Variants in DENND3 observed in about 807,000 individuals in gnomAD.
DENND3 encodes DENN domain-containing protein 3.
Under a neutral mutation model 135.1 loss-of-function variants are expected in DENND3, and 88 were observed. That is an observed-to-expected ratio of 0.65 (90% confidence interval 0.55 to 0.78). DENND3 has a LOEUF of 0.78. DENND3 is among the 30% of genes least tolerant of loss of function. The pLI, the probability that DENND3 is intolerant of heterozygous loss-of-function variation, is 0.00. For synonymous variants in DENND3, 693 were observed against 712.3 expected, an observed-to-expected ratio of 0.97 and a Z score of 0.43; for missense variants, 1,392 against 1,688.4, an observed-to-expected ratio of 0.82 and a Z score of 3.08.
rs776663309 is a variant in DENND3 at position 141,146,518 on chromosome 8, A to G, written c.735+2259A>G. ...ACCCGTCAAACGTCTCAAAATGTTT[A>G]GTAAATGTCGATTCAGTTTCATTGT... On this transcript the variant is annotated intron_variant, in intron 5 of 22. Coordinates refer to ENST00000519811, the MANE Select transcript of DENND3 (RefSeq NM_001352890.3). This position sits in a 1 kb window ranked among gnomAD's most constrained non-coding sequence, Gnocchi z 4.3. Among the ~76,000 whole-genome samples, 4 of 152,240 alleles carry G rather than the reference A, an allele frequency of 2.6e-5. No individual in the cohort carries two copies. Among genetic ancestry groups the G allele is most frequent in the Non-Finnish European group, 5.9e-5 (4 of 68,036 alleles).
intron 17 of DENND3, among the ~76,000 whole-genome samples, chr8:141,183,757 A>T (rs1442542406): frequency 5.7e-4 from 61 of 107,262 alleles, no homozygotes; most frequent in African/African-American, 5.3e-3. Flanking sequence ...TTTTTAATTT[A>T]AAAAAAAAAA....
intron 22 of DENND3, 167 bp downstream of exon 22, chr8:141,192,830 C>T (rs562698695): frequency 1.3e-6 from 2 of 1,549,384 alleles, no homozygotes; most frequent in Admixed American, 1.9e-5. Context: ...AACGGGCCCA[C>T]AGGTCACCAT....
intron 5 of DENND3, among the ~76,000 whole-genome samples, chr8:141,147,636 A>T (rs1425171366): frequency 6.6e-6 from 1 of 152,198 alleles, no homozygotes; most frequent in Non-Finnish European, 1.5e-5. Flanking sequence ...CGTCTCTCCG[A>T]TAGCACCCAG....
intron 18 of DENND3, 170 bp from the exon 19 acceptor site, chr8:141,188,815 TG>T: frequency 1.4e-6 from 1 of 734,936 alleles, no homozygotes; most frequent in Non-Finnish European, 2.2e-6. Flanking sequence ...TATGCACTGA[TG>T]GGTGGATGAC....
intron 9 of DENND3, among the ~76,000 whole-genome samples, chr8:141,161,650 G>T (rs1411954482): frequency 6.6e-6 from 1 of 152,180 alleles, no homozygotes; most frequent in East Asian, 1.9e-4. Flanking sequence ...CTTGCTGGTT[G>T]CTCCCTGAGT....
chr8:141,178,692 AC>A (rs879406317), intron 16 of DENND3, among the ~76,000 whole-genome samples: 1 of 152,218 alleles, frequency 6.6e-6, no homozygotes, highest in African/African-American at 2.4e-5. Flanking sequence ...GAGGCCCTGC[AC>A]GTCAGGATCC....
chr8:141,193,048 T>TA, intron 22 of DENND3: 2 of 453,364 alleles, frequency 4.4e-6, no homozygotes, highest in Non-Finnish European at 7.2e-6. Flanking sequence ...CCGCCGTCCT[T>TA]GGCGTGCCCT....
At chr8:141,161,045 TCTC>T (rs1376876379) in intron 9 of DENND3, among the ~76,000 whole-genome samples, 2 of 140,894 alleles carry the variant, frequency 1.4e-5, no homozygotes, top group African/African-American at 2.7e-5. Flanking sequence ...CCTAACAGCT[TCTC>T]CTGCTGGTGA....
At position 141,175,603 on chromosome 8, in the gene DENND3, T is replaced by C. The variant is rs1363653747; in HGVS notation, c.2535+144T>C. 1 of 1,299,024 alleles carries C rather than the reference T, an allele frequency of 7.7e-7. No homozygotes were observed. The highest frequency in any genetic ancestry group is 1.1e-6 in the Non-Finnish European group (1 of 920,604). 80.5% of individuals were successfully genotyped at this position (1,299,024 alleles called of 1,614,324 possible). ...ACCGAATGCCTTCCTGTCCCTCAGTTTGCTCATCTGTAAAGTAGGAATAAG... is the reference window on the plus strand; with the variant it reads ...ACCGAATGCCTTCCTGTCCCTCAGTCTGCTCATCTGTAAAGTAGGAATAAG... On this transcript the variant is annotated intron_variant, in intron 14 of 22. Coordinates refer to ENST00000519811, the MANE Select transcript of DENND3 (RefSeq NM_001352890.3). The surrounding 1 kb of genome is among the most constrained non-coding windows in gnomAD (Gnocchi z 5.4).
intron 10 of DENND3, 26 bp downstream of exon 10, chr8:141,163,455 C>G (rs1387968792): frequency 1.4e-6 from 2 of 1,426,396 alleles, no homozygotes; most frequent in South Asian, 1.2e-5. Flanking sequence ...TTTGGGTGTG[C>G]CTGTGTGTGT....
rs1028355073 is a variant in DENND3 at position 141,174,602 on chromosome 8, G to T, written c.2276-598G>T. Among the ~76,000 whole-genome samples the T allele has an allele frequency of 6.6e-6, 1 of 152,178 alleles. No homozygotes were observed. Among genetic ancestry groups the T allele is most frequent in the African/African-American group, 2.4e-5 (1 of 41,434 alleles). ...TCAGGCTCCTCTGACTCCAGAGCCC[G>T]TGAGTGCTGGCCTCGTGGGAAGGTT... On this transcript the variant is annotated intron_variant, in intron 13 of 22. Transcript: ENST00000519811. The surrounding 1 kb of genome is among the most constrained non-coding windows in gnomAD (Gnocchi z 4.6).
chr8:141,152,603 G>A (rs1017251480), intron 7 of DENND3, among the ~76,000 whole-genome samples: 15 of 152,140 alleles, frequency 9.9e-5, no homozygotes, highest in African/African-American at 2.9e-4. Flanking sequence ...TAAATAGACC[G>A]AGTTTTGTCC....
intron 9 of DENND3, among the ~76,000 whole-genome samples, chr8:141,162,979 T>C (rs1372504989): frequency 2.2e-4 from 33 of 152,236 alleles, no homozygotes; most frequent in Non-Finnish European, 4.7e-4. Context: ...GCGGCCGAGC[T>C]GGTCAGCACT....
chr8:141,190,345 G>C lies in DENND3; in HGVS notation c.3307G>C (p.Val1103Leu). 1 of 1,613,372 alleles carries C rather than the reference G, an allele frequency of 6.2e-7. No individual in the cohort carries two copies. The highest frequency in any genetic ancestry group is 2.2e-5 in the East Asian group (1 of 44,836). ...GGTGTGGAATGTGAGCACACTGCAG[G>C]TGACCAGCCGCTTCCAGCTGCCGCG... ...VLVWNVSTLQ[V>L]TSRFQLPRGG... The change falls in exon 20 of 23, where the codon GTG becomes CTG. Residue 1103 changes from valine (V) to leucine (L), a missense_variant. Coordinates refer to ENST00000519811, the MANE Select transcript of DENND3 (RefSeq NM_001352890.3).
chr8:141,143,919 GA>G (rs1817750580), intron 4 of DENND3: 2 of 464,746 alleles, frequency 4.3e-6, no homozygotes, highest in East Asian at 8.0e-5. Context: ...GCATGACCAG[GA>G]CTTCCCCTTC....
chr8:141,171,022 G>A (rs953010418), intron 13 of DENND3, among the ~76,000 whole-genome samples: 1 of 152,166 alleles, frequency 6.6e-6, no homozygotes, highest in East Asian at 1.9e-4. Flanking sequence ...GGAAGGGTGC[G>A]TGGGCCCTGT....
At chr8:141,184,980 C>A in intron 17 of DENND3, 159 bp from the exon 18 acceptor site, 3 of 882,058 alleles carry the variant, frequency 3.4e-6, no homozygotes, top group Non-Finnish European at 5.0e-6. Flanking sequence ...TCCCAGAGGG[C>A]AGGGAAGCCT....
chr8:141,190,106 T>TGTTTG (rs144741369), intron 19 of DENND3, among the ~76,000 whole-genome samples, 178 bp from the exon 20 acceptor site: 12 of 151,028 alleles, frequency 7.9e-5, no homozygotes, highest in South Asian at 2.1e-4. Context: ...CATGTTATTA[T>TGTTTG]CATGTTTGCA....
rs532067603 is a variant in DENND3 at position 141,144,285 on chromosome 8, T to G, written c.735+26T>G. 6.4e-7 allele frequency: 1 copy of G among 1,572,564 alleles called. No homozygotes were observed. Among genetic ancestry groups the G allele is most frequent in the African/African-American group, 1.4e-5 (1 of 72,466 alleles). ...GTAAAGTATATCTGAAATTATATTG[T>G]TTTTTCTTTGCAAATAGTAAAAGTA... On this transcript the variant is annotated intron_variant, in intron 5 of 22. Transcript: ENST00000519811. The surrounding 1 kb of genome is among the most constrained non-coding windows in gnomAD (Gnocchi z 4.4).
Sources: gnomAD v4.1 joint callset for allele counts (sites outside exome capture counted in the v4.1 genomes callset) on GRCh38, gnomAD v4.1.1 for gene constraint, Gnocchi (gnomAD v3.1) non-coding constraint, MANE v1.5 for transcripts, NCBI Gene and HGNC (gene_info 2026-07-23, HGNC 2026-07-21) for gene names.